The following SCFD2 variants were observed in gnomAD, a reference collection of about 807,000 sequenced individuals.
SCFD2 encodes the protein sec1 family domain containing 2, also known as sec1 family domain-containing protein 2.
Under a neutral mutation model 58.9 loss-of-function variants are expected in SCFD2, and 54 were observed. The observed-to-expected ratio is 0.92, with a 90% CI of 0.74 to 1.15. The LOEUF is 1.15. Ranked by LOEUF, SCFD2 falls within the 50% of genes most tolerant of loss-of-function variation. SCFD2 has a pLI of 0.00. For synonymous variants in SCFD2, 321 were observed against 335.9 expected (o/e 0.96, Z 0.49); for missense variants, 805 against 836.6 (o/e 0.96, Z 0.47).
chr4:53,212,480 A>AAATAAATG (rs1296162447), intron 4 of SCFD2, among the ~76,000 whole-genome samples: 2 of 150,408 alleles, frequency 1.3e-5, no homozygotes, highest in Admixed American at 6.6e-5. Flanking sequence ...AAAAATAAAT[A>AAATAAATG]AATAATAATA....
intron 3 of SCFD2, among the ~76,000 whole-genome samples, chr4:53,303,888 T>C (rs1204834885): frequency 7.3e-6 from 1 of 136,644 alleles, no homozygotes; most frequent in Non-Finnish European, 1.5e-5. Flanking sequence ...CACTCATAGG[T>C]GAGAATTGAA....
chr4:53,015,689 A>G (rs759582949), intron 5 of SCFD2, among the ~76,000 whole-genome samples: 1 of 152,174 alleles, frequency 6.6e-6, no homozygotes, highest in Non-Finnish European at 1.5e-5. Flanking sequence ...ACCATATGGC[A>G]TGGTCAAATA....
intron 3 of SCFD2, among the ~76,000 whole-genome samples, chr4:53,282,278 C>CTAA: frequency 6.6e-6 from 1 of 152,098 alleles, no homozygotes; most frequent in African/African-American, 2.4e-5. Context: ...TTTGAAACTA[C>CTAA]TAATAGTTCA....
intron 8 of SCFD2, among the ~76,000 whole-genome samples, chr4:52,880,353 A>G (rs1255690857): frequency 6.6e-6 from 1 of 150,872 alleles, no homozygotes; most frequent in Non-Finnish European, 1.5e-5. Flanking sequence ...ATGGTGGCTC[A>G]CTCCTGTAAT....
intron 4 of SCFD2, among the ~76,000 whole-genome samples, chr4:53,179,109 A>C (rs1727449866): frequency 6.6e-6 from 1 of 152,238 alleles, no homozygotes. Context: ...TCCCCAATCT[A>C]GCAAGGCGGG....
At chr4:53,038,079 G>A (rs928882796) in intron 5 of SCFD2, among the ~76,000 whole-genome samples, 5 of 152,138 alleles carry the variant, frequency 3.3e-5, no homozygotes, top group Non-Finnish European at 7.3e-5. Context: ...GCCAATGTTA[G>A]GCTGTAAGTG....
chr4:53,192,244 T>A (rs987852108), intron 4 of SCFD2, among the ~76,000 whole-genome samples: 2 of 152,168 alleles, frequency 1.3e-5, no homozygotes, highest in African/African-American at 2.4e-5. Context: ...TTGTCTTACA[T>A]CTTGTTTCTA....
chr4:53,212,185 T>A (rs1728633758), intron 4 of SCFD2, among the ~76,000 whole-genome samples: 2 of 152,142 alleles, frequency 1.3e-5, no homozygotes, highest in South Asian at 4.1e-4. Flanking sequence ...AATCCACTGT[T>A]GGGAAAGCAT....
chr4:53,249,943 C>T, intron 4 of SCFD2, among the ~76,000 whole-genome samples: 1 of 152,308 alleles, frequency 6.6e-6, no homozygotes, highest in South Asian at 2.1e-4. Context: ...CAAATTCACA[C>T]ATAACAATGT....
At chr4:53,181,617 A>T (rs1727559890) in intron 4 of SCFD2, among the ~76,000 whole-genome samples, 1 of 152,166 alleles carries the variant, frequency 6.6e-6, no homozygotes. Context: ...GCCCTCTCTC[A>T]CCACTCCTGT....
rs1263433817 is a variant in SCFD2, at chr4:53,042,205, G to A, written c.1561+103128C>T. ...TCATTCTCTATACACCACGGTGGTGGATTTGCTATCTATTCCTCAATCCAA... is the reference window on the plus strand; with the variant it reads ...TCATTCTCTATACACCACGGTGGTGAATTTGCTATCTATTCCTCAATCCAA... On this transcript the variant is annotated intron_variant, in intron 5 of 8. Transcript: ENST00000401642. Among the ~76,000 whole-genome samples, 5 of 152,096 alleles carry A rather than the reference G, an allele frequency of 3.3e-5. No homozygotes were observed. In the East Asian group the frequency reaches 7.7e-4, roughly 23 times the overall value.
At chr4:52,942,342 A>G (rs1288440833) in intron 5 of SCFD2, among the ~76,000 whole-genome samples, 1 of 152,164 alleles carries the variant, frequency 6.6e-6, no homozygotes, top group Non-Finnish European at 1.5e-5. Context: ...GTTTGAAAGA[A>G]GCTGAGAGTT....
chr4:53,238,173 C>CG (rs1414289757), intron 4 of SCFD2, among the ~76,000 whole-genome samples: 1 of 135,290 alleles, frequency 7.4e-6, no homozygotes, highest in South Asian at 2.4e-4. Flanking sequence ...GCTGGCCGGG[C>CG]GGGGGGCTGA....
intron 7 of SCFD2, among the ~76,000 whole-genome samples, chr4:52,902,562 A>C (rs2109466191): frequency 6.6e-6 from 1 of 152,338 alleles, no homozygotes; most frequent in African/African-American, 2.4e-5. Context: ...ACAGGCATAC[A>C]AGGGTATTCA....
At chr4:53,054,347 C>G (rs144924998) in intron 5 of SCFD2, among the ~76,000 whole-genome samples, 1 of 152,120 alleles carries the variant, frequency 6.6e-6, no homozygotes, top group Non-Finnish European at 1.5e-5. Context: ...TTTTAGTTGA[C>G]TTTTTACATG....
At chr4:52,943,932 T>G (rs1334638416) in intron 5 of SCFD2, among the ~76,000 whole-genome samples, 1 of 152,186 alleles carries the variant, frequency 6.6e-6, no homozygotes, top group East Asian at 1.9e-4. Flanking sequence ...ATTGAAAACA[T>G]TTGTTTATCA....
At chr4:53,076,973 G>T (rs574534065) in intron 5 of SCFD2, among the ~76,000 whole-genome samples, 1 of 152,276 alleles carries the variant, frequency 6.6e-6, no homozygotes, top group African/African-American at 2.4e-5. Context: ...TAGGAATACA[G>T]TTCAGTTCTA....
At chr4:53,022,544 G>A (rs762332761) in intron 5 of SCFD2, among the ~76,000 whole-genome samples, 5 of 152,170 alleles carry the variant, frequency 3.3e-5, no homozygotes, top group Non-Finnish European at 7.3e-5. Context: ...AAGGGAAAAT[G>A]CCTAATTGGG....
chr4:53,179,472 G>A (rs1727465673), intron 4 of SCFD2, among the ~76,000 whole-genome samples: 1 of 152,134 alleles, frequency 6.6e-6, no homozygotes, highest in Admixed American at 6.5e-5. Flanking sequence ...GTCACCACCA[G>A]GCCAGTCCTA....
Sources: allele counts gnomAD v4.1 joint callset (sites outside exome capture counted in the v4.1 genomes callset), GRCh38; gene constraint gnomAD v4.1.1; transcripts MANE v1.5; gene names NCBI Gene and HGNC (gene_info 2026-07-23, HGNC 2026-07-21).